The following YAF2 variants were observed in gnomAD, a reference collection of about 807,000 sequenced individuals.
The protein encoded by YAF2 is YY1 associated factor 2, also known as YY1-associated factor 2.
In YAF2, 7 loss-of-function variants were observed where a neutral mutation model predicts 20.1. The observed-to-expected ratio is 0.35, with a 90% CI of 0.20 to 0.65. The LOEUF (loss-of-function observed/expected upper bound fraction) is 0.65. YAF2 is among the 30% of genes least tolerant of loss of function. The pLI, the probability that YAF2 is intolerant of heterozygous loss-of-function variation, is 0.69. For missense variants in YAF2, 151 were observed against 219.2 expected, an observed-to-expected ratio of 0.69 and a Z score of 1.96; for synonymous variants, 74 against 76.0, an observed-to-expected ratio of 0.97 and a Z score of 0.14.
intron 2 of YAF2, among the ~76,000 whole-genome samples, chr12:42,220,364 A>G (rs753036766): frequency 4.6e-5 from 7 of 152,250 alleles, no homozygotes; most frequent in Non-Finnish European, 8.8e-5. Context: ...CCCCACACCC[A>G]GATTCTTTAC....
At chr12:42,185,679 G>T (rs990867929) in intron 2 of YAF2, among the ~76,000 whole-genome samples, 1 of 152,094 alleles carries the variant, frequency 6.6e-6, no homozygotes, top group African/African-American at 2.4e-5. Flanking sequence ...AAGCTCAGAT[G>T]GTCATTTGAA....
At chr12:42,233,804 G>A (rs2137433679) in intron 2 of YAF2, 3 of 985,348 alleles carry the variant, frequency 3.0e-6, no homozygotes, top group African/African-American at 3.5e-5. Flanking sequence ...TGGGCCACTG[G>A]GCCAGCCAAG....
intron 2 of YAF2, among the ~76,000 whole-genome samples, chr12:42,203,429 C>A (rs1192716358): frequency 6.6e-6 from 1 of 151,782 alleles, no homozygotes; most frequent in Non-Finnish European, 1.5e-5. Flanking sequence ...GATTTTCTTT[C>A]TTTTTTGCGT....
At chr12:42,232,771 T>C in intron 2 of YAF2, 1 of 985,420 alleles carries the variant, frequency 1.0e-6, no homozygotes, top group Non-Finnish European at 1.2e-6. Context: ...ATAGTTGGTT[T>C]AAGCTTCTTT....
intron 2 of YAF2, among the ~76,000 whole-genome samples, chr12:42,216,036 T>A (rs2067348345): frequency 1.3e-5 from 2 of 152,150 alleles, no homozygotes; most frequent in African/African-American, 4.8e-5. Flanking sequence ...CCCAATGTTT[T>A]GGGATTTTTT....
At chr12:42,216,539 C>T (rs2067363616) in intron 2 of YAF2, among the ~76,000 whole-genome samples, 1 of 151,816 alleles carries the variant, frequency 6.6e-6, no homozygotes, top group Non-Finnish European at 1.5e-5. Flanking sequence ...CTTCTTCTAC[C>T]ACTGTAAAAA....
chr12:42,187,737 G>T (rs2137081302), intron 2 of YAF2, among the ~76,000 whole-genome samples: 2 of 152,208 alleles, frequency 1.3e-5, no homozygotes, highest in South Asian at 4.1e-4. Context: ...ATAACTATTT[G>T]TTCTTATTCT....
rs1035764466 is a variant in YAF2, at chr12:42,235,432, C to A, written c.152+2167G>T. On this transcript the variant is annotated intron_variant, in intron 2 of 3. Transcript: ENST00000534854. ...ATCAATATCTTCTCTAGTAACAATA[C>A]CCTGTTCCACACTGTTCTATACAAA... The A allele has an allele frequency of 1.1e-5, 12 of 1,097,616 alleles. No homozygotes were observed. The African/African-American group carries it at 2.0e-4, about 18-fold the overall frequency. 68.0% of individuals were successfully genotyped at this position (1,097,616 alleles called of 1,614,324 possible). A position where few individuals can be genotyped will look rare whatever the true frequency, so the allele number is the denominator to read the frequency against.
At chr12:42,204,615 T>C (rs1359908498) in intron 2 of YAF2, among the ~76,000 whole-genome samples, 1 of 152,170 alleles carries the variant, frequency 6.6e-6, no homozygotes, top group Non-Finnish European at 1.5e-5. Context: ...AGGACTATAA[T>C]AGTTCACAGA....
chr12:42,234,984 T>A (rs2068100948), intron 2 of YAF2: 10 of 984,080 alleles, frequency 1.0e-5, no homozygotes, highest in Non-Finnish European at 1.2e-5. Context: ...TGAGATCTTA[T>A]CTCAAAAAAG....
chr12:42,224,732 T>C (rs2067635573), intron 2 of YAF2, among the ~76,000 whole-genome samples: 1 of 152,176 alleles, frequency 6.6e-6, no homozygotes, highest in Admixed American at 6.5e-5. Context: ...CTGCATAGTA[T>C]TCCATGGTGT....
chr12:42,231,379 A>C (rs1308448455), intron 2 of YAF2: 5 of 152,192 alleles, frequency 3.3e-5, no homozygotes, highest in African/African-American at 1.2e-4. Context: ...TTGTTGCAAT[A>C]TGTTGTTTTG....
chr12:42,208,260 C>G (rs1207979216), intron 2 of YAF2, among the ~76,000 whole-genome samples: 1 of 151,896 alleles, frequency 6.6e-6, no homozygotes, highest in African/African-American at 2.4e-5. Context: ...CCTGTCTCTA[C>G]TAAATATACA....
intron 2 of YAF2, among the ~76,000 whole-genome samples, chr12:42,199,939 T>C (rs925375592): frequency 2.6e-5 from 4 of 152,194 alleles, no homozygotes; most frequent in Admixed American, 2.6e-4. Context: ...CAAATTACCT[T>C]AGTGCCTGAC....
chr12:42,232,928 A>T, intron 2 of YAF2: 4 of 985,450 alleles, frequency 4.1e-6, no homozygotes, highest in Non-Finnish European at 4.8e-6. Context: ...CACATAAAGG[A>T]AAGATCTACT....
intron 2 of YAF2, among the ~76,000 whole-genome samples, chr12:42,227,879 G>A (rs1185391388): frequency 2.5e-4 from 34 of 136,832 alleles, no homozygotes; most frequent in African/African-American, 7.2e-4. Flanking sequence ...CAGCCGCCCC[G>A]TCCGGGAGGT....
chr12:42,222,142 C>G (rs2067535089), intron 2 of YAF2, among the ~76,000 whole-genome samples: 2 of 152,132 alleles, frequency 1.3e-5, no homozygotes, highest in Admixed American at 1.3e-4. Flanking sequence ...AAACAAAACA[C>G]TGTAGGTGTT....
intron 2 of YAF2, among the ~76,000 whole-genome samples, chr12:42,204,243 T>C (rs2066978452): frequency 6.6e-6 from 1 of 152,224 alleles, no homozygotes; most frequent in South Asian, 2.1e-4. Context: ...AAAAAAGTCT[T>C]GCAGTTCCCC....
At chr12:42,205,311 C>G (rs990949493) in intron 2 of YAF2, among the ~76,000 whole-genome samples, 1 of 151,476 alleles carries the variant, frequency 6.6e-6, no homozygotes, top group Non-Finnish European at 1.5e-5. Context: ...TGGGTATTTC[C>G]GGAATCAACT....
Sources: allele counts gnomAD v4.1 joint callset (sites outside exome capture counted in the v4.1 genomes callset), GRCh38; gene constraint gnomAD v4.1.1; transcripts MANE v1.5; gene names NCBI Gene and HGNC (gene_info 2026-07-23, HGNC 2026-07-21).